The following RAB38 variants were observed in gnomAD, a reference collection of about 807,000 sequenced individuals.
The protein encoded by RAB38 is ras-related protein Rab-38.
A neutral mutation model predicts 18.4 loss-of-function variants in RAB38; 15 were observed. The observed-to-expected ratio is 0.82, with a 90% CI of 0.55 to 1.26. The LOEUF (loss-of-function observed/expected upper bound fraction) is 1.26. RAB38 is among the 50% of genes most tolerant of loss of function. The pLI is 0.00. For missense variants in RAB38, 294 were observed against 267.4 expected (o/e 1.10, Z -0.69); for synonymous variants, 101 against 104.4 (o/e 0.97, Z 0.20).
At chr11:88,026,566 A>G in the RAB38 span, among the ~76,000 whole-genome samples, 2 of 120,834 alleles carry the variant, frequency 1.7e-5, no homozygotes, top group East Asian at 4.0e-4. Context: ...CTGTCACAAA[A>G]AAAAAAAAAA....
chr11:87,840,756 T>C, the RAB38 span, among the ~76,000 whole-genome samples: 1 of 152,318 alleles, frequency 6.6e-6, no homozygotes, highest in Middle Eastern at 3.4e-3. Context: ...TTGTAAGACA[T>C]ATAGAAATCT....
chr11:87,963,563 T>C, the RAB38 span, among the ~76,000 whole-genome samples: 1 of 152,030 alleles, frequency 6.6e-6, no homozygotes. Context: ...TAATGAAATA[T>C]GTTATCAAAA....
chr11:88,137,953 A>G (rs1422542037), intron 2 of RAB38, among the ~76,000 whole-genome samples: 1 of 152,210 alleles, frequency 6.6e-6, no homozygotes, highest in Non-Finnish European at 1.5e-5. Context: ...CCATCTAGAG[A>G]GTTAAAATTG....
chr11:88,022,792 T>A, the RAB38 span, among the ~76,000 whole-genome samples: 4 of 152,140 alleles, frequency 2.6e-5, no homozygotes, highest in Admixed American at 1.3e-4. Flanking sequence ...CAGTCTATAG[T>A]TGATGGGCAT....
At chr11:87,934,505 G>C in the RAB38 span, among the ~76,000 whole-genome samples, 1 of 152,036 alleles carries the variant, frequency 6.6e-6, no homozygotes, top group Non-Finnish European at 1.5e-5. Context: ...TGACCCAGTT[G>C]AATTTATTAT....
chr11:87,964,381 T>C, the RAB38 span, among the ~76,000 whole-genome samples: 5 of 152,074 alleles, frequency 3.3e-5, 1 homozygote, highest in Non-Finnish European at 7.4e-5. Flanking sequence ...GTCATACAGT[T>C]TCAATGGAAC....
chr11:88,123,484 T>C (rs1316050170), intron 2 of RAB38, among the ~76,000 whole-genome samples: 1 of 152,234 alleles, frequency 6.6e-6, no homozygotes, highest in Non-Finnish European at 1.5e-5. Context: ...CAGGTCCAAC[T>C]GCCTGTCCTT....
the RAB38 span, among the ~76,000 whole-genome samples, chr11:87,921,537 ATCTC>A: frequency 5.4e-5 from 8 of 148,716 alleles, no homozygotes; most frequent in South Asian, 2.1e-4. Flanking sequence ...TTCATTGTAA[ATCTC>A]TCTCTATATA....
At chr11:88,075,770 A>G in the RAB38 span, among the ~76,000 whole-genome samples, 1 of 151,932 alleles carries the variant, frequency 6.6e-6, no homozygotes, top group Non-Finnish European at 1.5e-5. Context: ...AATACCAGCT[A>G]CTCGGGAGGC....
intron 2 of RAB38, among the ~76,000 whole-genome samples, chr11:88,136,787 A>G (rs1474077934): frequency 6.6e-6 from 1 of 152,246 alleles, no homozygotes; most frequent in Non-Finnish European, 1.5e-5. Context: ...GAAGCTCAAC[A>G]CTTACACAGT....
intron 1 of RAB38, among the ~76,000 whole-genome samples, chr11:88,169,649 T>A (rs891147237): frequency 6.6e-6 from 1 of 152,160 alleles, no homozygotes; most frequent in Non-Finnish European, 1.5e-5. Flanking sequence ...CTGTCTCAAG[T>A]TGTGCAGCCC....
At chr11:87,806,236 A>G in the RAB38 span, among the ~76,000 whole-genome samples, 4 of 152,172 alleles carry the variant, frequency 2.6e-5, no homozygotes. Context: ...AAAAAATGCC[A>G]TAAACTTCAT....
intron 1 of RAB38, among the ~76,000 whole-genome samples, chr11:88,162,127 C>T (rs935823040): frequency 6.6e-6 from 1 of 152,110 alleles, no homozygotes; most frequent in East Asian, 1.9e-4. Flanking sequence ...CAGAGTCAGG[C>T]TGACATCCTA....
At chr11:88,048,856 T>A in the RAB38 span, among the ~76,000 whole-genome samples, 2 of 152,206 alleles carry the variant, frequency 1.3e-5, no homozygotes, top group Non-Finnish European at 2.9e-5. Context: ...GGCAGGGCTA[T>A]GCTGAACCTC....
At chr11:87,894,649 T>C in the RAB38 span, among the ~76,000 whole-genome samples, 1 of 151,366 alleles carries the variant, frequency 6.6e-6, no homozygotes, top group Non-Finnish European at 1.5e-5. Context: ...GACAATAGAA[T>C]TGAAATAACG....
the RAB38 span, among the ~76,000 whole-genome samples, chr11:87,945,934 A>G: frequency 6.6e-6 from 1 of 152,090 alleles, no homozygotes; most frequent in African/African-American, 2.4e-5. Context: ...TATTATTTCT[A>G]ATTTTCACAA....
the RAB38 span, among the ~76,000 whole-genome samples, chr11:87,967,198 A>T: frequency 6.6e-6 from 1 of 152,216 alleles, no homozygotes; most frequent in Non-Finnish European, 1.5e-5. Context: ...AAGCATTTGT[A>T]TCTAAATTTG....
the RAB38 span, among the ~76,000 whole-genome samples, chr11:87,885,235 T>G: frequency 6.6e-6 from 1 of 151,640 alleles, no homozygotes; most frequent in Non-Finnish European, 1.5e-5. Context: ...CCCTGAATAT[T>G]CCTGCTTCTG....
At chr11:88,018,656 G>A in the RAB38 span, among the ~76,000 whole-genome samples, 1 of 151,960 alleles carries the variant, frequency 6.6e-6, no homozygotes, top group African/African-American at 2.4e-5. Context: ...GACCCCTGCA[G>A]CTACCAAAAT....
Sources: gnomAD v4.1 joint callset for allele counts (sites outside exome capture counted in the v4.1 genomes callset) on GRCh38, gnomAD v4.1.1 for gene constraint, MANE v1.5 for transcripts, NCBI Gene and HGNC (gene_info 2026-07-23, HGNC 2026-07-21) for gene names.